The following PRUNE2 variants were observed in gnomAD, a reference collection of about 807,000 sequenced individuals.
PRUNE2 encodes the protein protein prune homolog 2.
In PRUNE2, 164 loss-of-function variants were observed where a neutral mutation model predicts 252.0. The observed-to-expected ratio is 0.65, with a 90% CI of 0.57 to 0.74. The LOEUF (loss-of-function observed/expected upper bound fraction) is 0.74, where lower values mean the gene tolerates loss of function less well. Ranked by LOEUF, PRUNE2 falls within the 30% of genes least tolerant of loss-of-function variation. The probability of loss-of-function intolerance (pLI) is 0.00; values close to 1 mark genes in which losing one functional copy is unlikely to be tolerated. For synonymous variants in PRUNE2, 1,292 were observed against 1,350.2 expected (o/e 0.96, Z 0.94); for missense variants, 3,495 against 3,711.0 (o/e 0.94, Z 1.51).
chr9:76,612,073 G>C lies in PRUNE2; in HGVS notation c.*2497C>G, dbSNP rs1208530244. ...GATTCATCTAGGATTCTATTTACTT[G>C]GGGTGAATGTACATGGTAGCTTTTC... is the stretch of plus-strand genomic sequence containing the variant. On this transcript the variant is annotated 3_prime_UTR_variant, in exon 19 of 19. Coordinates refer to ENST00000376718, the MANE Select transcript of PRUNE2 (RefSeq NM_015225.3). 6.6e-6 allele frequency: 1 copy of C among 152,266 alleles called. No individual in the cohort carries two copies. The highest frequency in any genetic ancestry group is 2.4e-5 in the African/African-American group (1 of 41,424). The allele number at this position is 152,266 out of a possible 1,614,324, so 9.4% of individuals were successfully genotyped here.
At chr9:76,795,020 T>C (rs957793842) in intron 6 of PRUNE2, among the ~76,000 whole-genome samples, 1 of 152,186 alleles carries the variant, frequency 6.6e-6, no homozygotes, top group Non-Finnish European at 1.5e-5. Flanking sequence ...GAGAAGTTAC[T>C]GGACTCCCAC....
chr9:76,897,563 ACCACCACGC>A (rs2062913804), intron 1 of PRUNE2, among the ~76,000 whole-genome samples: 3 of 151,394 alleles, frequency 2.0e-5, no homozygotes. Flanking sequence ...ATAGATGCAC[ACCACCACGC>A]CCAGTTAATT....
At chr9:76,704,138 G>C in intron 8 of PRUNE2, 39 bp from the exon 9 acceptor site, 1 of 1,422,372 alleles carries the variant, frequency 7.0e-7, no homozygotes. Context: ...GGAGAAAAAG[G>C]TTTAATTAAC....
rs1192106643 is a variant in PRUNE2 at position 76,704,770 on chromosome 9, G to T, written c.7504C>A (p.Pro2502Thr). The T allele has an allele frequency of 6.5e-7, 1 of 1,550,198 alleles. No homozygotes were observed. The highest frequency in any genetic ancestry group is 2.4e-5 in the East Asian group (1 of 42,178). The stretch of plus-strand genomic sequence containing the variant: ...ATGGAATGTTTCTTACCATTTGGTG[G>T]TCCTATGTCTCCACCTGCTGGTAAA... ...SDLPAGGDIG[P>T]PNGASKEISE... The change falls in exon 8 of 19, where the codon CCA becomes ACA. Residue 2502 changes from proline to threonine, a missense_variant. Coordinates refer to ENST00000376718, the MANE Select transcript of PRUNE2 (RefSeq NM_015225.3).
At chr9:76,633,925 C>T (rs1838839004) in intron 15 of PRUNE2, among the ~76,000 whole-genome samples, 1 of 152,104 alleles carries the variant, frequency 6.6e-6, no homozygotes, top group East Asian at 1.9e-4. Context: ...CCAGCTTGGA[C>T]AACATGAGAC....
At chr9:76,651,528 T>C (rs979527158) in intron 11 of PRUNE2, among the ~76,000 whole-genome samples, 1 of 152,214 alleles carries the variant, frequency 6.6e-6, no homozygotes, top group African/African-American at 2.4e-5. Flanking sequence ...TCCCAGACTC[T>C]CTCGCTTTCA....
intron 6 of PRUNE2, among the ~76,000 whole-genome samples, chr9:76,723,710 T>C (rs1233503752): frequency 6.6e-6 from 1 of 152,102 alleles, no homozygotes; most frequent in Non-Finnish European, 1.5e-5. Flanking sequence ...AGTTGAAGAA[T>C]TCAAGAATAG....
chr9:76,804,158 C>A (rs550945568), intron 6 of PRUNE2, among the ~76,000 whole-genome samples: 103 of 152,324 alleles, frequency 6.8e-4, no homozygotes, highest in South Asian at 3.7e-3. Context: ...CTATTCTACA[C>A]CCCACTGTGA....
At chr9:76,744,728 G>A (rs1410854895) in intron 6 of PRUNE2, among the ~76,000 whole-genome samples, 7 of 151,866 alleles carry the variant, frequency 4.6e-5, no homozygotes, top group South Asian at 2.1e-4. Context: ...TTGTTTAATC[G>A]TCCTTGAGAA....
At chr9:76,838,668 A>C (rs1351603555) in intron 4 of PRUNE2, among the ~76,000 whole-genome samples, 1 of 150,212 alleles carries the variant, frequency 6.7e-6, no homozygotes, top group Non-Finnish European at 1.5e-5. Context: ...AAAAAAAAAA[A>C]ACAAATACAG....
chr9:76,725,502 G>T (rs2135327238), intron 6 of PRUNE2, among the ~76,000 whole-genome samples: 1 of 152,234 alleles, frequency 6.6e-6, no homozygotes, highest in African/African-American at 2.4e-5. Flanking sequence ...CTTAAGTGGG[G>T]AATATGGTTG....
chr9:76,870,613 G>A (rs1213705190), intron 1 of PRUNE2, among the ~76,000 whole-genome samples: 9 of 151,644 alleles, frequency 5.9e-5, no homozygotes, highest in Non-Finnish European at 1.2e-4. Flanking sequence ...GTGAACCCGG[G>A]AGGCGGAGCT....
At chr9:76,658,688 G>A (rs1563941399) in intron 9 of PRUNE2, among the ~76,000 whole-genome samples, 1 of 152,166 alleles carries the variant, frequency 6.6e-6, no homozygotes, top group Non-Finnish European at 1.5e-5. Context: ...TCTTTATACA[G>A]AATGGAGCTA....
intron 9 of PRUNE2, chr9:76,687,529 C>T (rs563655444): frequency 3.6e-5 from 7 of 192,390 alleles, no homozygotes; most frequent in African/African-American, 1.6e-4. Context: ...TCTCTCTCTC[C>T]AGGTAAAACC....
intron 6 of PRUNE2, among the ~76,000 whole-genome samples, chr9:76,746,853 G>C (rs1228045991): frequency 3.9e-5 from 6 of 151,994 alleles, no homozygotes; most frequent in African/African-American, 1.2e-4. Flanking sequence ...CACATGCCTT[G>C]CCCTGTGCAT....
intron 9 of PRUNE2, among the ~76,000 whole-genome samples, chr9:76,688,483 T>C (rs928950524): frequency 1.3e-5 from 2 of 152,198 alleles, no homozygotes; most frequent in Non-Finnish European, 2.9e-5. Context: ...AATGAAATGA[T>C]GACCTTTCAC....
chr9:76,821,401 A>G (rs2058032102), intron 6 of PRUNE2, among the ~76,000 whole-genome samples: 1 of 152,236 alleles, frequency 6.6e-6, no homozygotes, highest in Non-Finnish European at 1.5e-5. Context: ...AAATATGAGT[A>G]GGGATTGGGA....
chr9:76,666,783 CA>C (rs1484007138), intron 9 of PRUNE2, among the ~76,000 whole-genome samples: 2 of 152,196 alleles, frequency 1.3e-5, no homozygotes, highest in Non-Finnish European at 2.9e-5. Context: ...TTTATTTCTG[CA>C]ATCTCTCGTC....
intron 1 of PRUNE2, among the ~76,000 whole-genome samples, chr9:76,880,971 T>C (rs1238932515): frequency 6.6e-6 from 1 of 151,218 alleles, no homozygotes; most frequent in Admixed American, 6.6e-5. Context: ...TTTTTTTTTT[T>C]TTTTTTTGAG....
Sources: allele counts gnomAD v4.1 joint callset (sites outside exome capture counted in the v4.1 genomes callset), GRCh38; gene constraint gnomAD v4.1.1; transcripts MANE v1.5; gene names NCBI Gene and HGNC (gene_info 2026-07-23, HGNC 2026-07-21).